Variants in MRPL30 observed in about 807,000 individuals in gnomAD.
The protein encoded by MRPL30 is mitochondrial ribosomal protein L30.
A neutral mutation model predicts 17.2 loss-of-function variants in MRPL30; 10 were observed. That is an observed-to-expected ratio of 0.58 (90% confidence interval 0.36 to 0.99). The LOEUF (loss-of-function observed/expected upper bound fraction) is 0.99. Among genes scored for constraint, MRPL30 ranks in the 50% least tolerant of loss-of-function variants. The pLI is 0.01. For missense variants in MRPL30, 170 were observed against 189.8 expected (o/e 0.90, Z 0.61); for synonymous variants, 61 against 62.1 (o/e 0.98, Z 0.08).
Position 99,194,892 on chromosome 2 carries a change from G to A in MRPL30, c.274G>A (p.Glu92Lys). 1 of 1,562,196 alleles carries A rather than the reference G, an allele frequency of 6.4e-7. No individual in the cohort carries two copies. The highest frequency in any genetic ancestry group is 8.6e-7 in the Non-Finnish European group (1 of 1,158,132). ...AGATATAATAAAGATGCTTGGATTA[G>A]AAAAAGTATGCAATTATTTTAATCA... ...EKDIIKMLGL[E>K]KAHTPQVHKN... is the part of the protein sequence containing the mutation. The change falls in exon 4 of 6, where the codon GAA (glutamate) becomes AAA (lysine). Residue 92 changes from glutamate (E) to lysine (K), a missense_variant. Glu to Lys is a moderately conservative substitution (Grantham distance 56, BLOSUM62 1). Transcript: ENST00000338148.
In MRPL30 at chr2:99,181,623, A is replaced by G. The variant is rs543075099; in HGVS notation, c.-28+374A>G. Among the ~76,000 whole-genome samples the G allele has an allele frequency of 5.3e-5, 8 of 151,514 alleles. No individual in the cohort carries two copies. In the South Asian group the frequency reaches 1.7e-3, roughly 32 times the overall value. ...GGTTGCTTTTTTTTTTTTTTAATGA[A>G]GACAGAAAATTGCCTTTATCTTTGT... On this transcript the variant is annotated intron_variant, in intron 1 of 5. Transcript: ENST00000338148.
rs539306883 is a variant in MRPL30, at chr2:99,195,246, G to T, written c.353+57G>T. ...TGTATTGCCTAGTGTAATTCTAAAT[G>T]CATTTTTCTTTTTTCGTTAATGTTC... On this transcript the variant is annotated intron_variant, in intron 5 of 5. Coordinates refer to ENST00000338148, the MANE Select transcript of MRPL30 (RefSeq NM_145212.4). 216 of 1,455,050 alleles carry T rather than the reference G, an allele frequency of 1.5e-4. 2 individuals carry two copies. In the South Asian group the frequency reaches 2.6e-3, roughly 18 times the overall value. 90.1% of individuals were successfully genotyped at this position (1,455,050 alleles called of 1,614,324 possible). A position where few individuals can be genotyped will look rare whatever the true frequency, so the allele number is the denominator to read the frequency against.
At chr2:99,195,518 A>G in intron 5 of MRPL30, 55 bp from the exon 6 acceptor site, 1 of 1,547,766 alleles carries the variant, frequency 6.5e-7, no homozygotes, top group Non-Finnish European at 8.7e-7. Flanking sequence ...TCCTGCGGGG[A>G]TATAGAACGC....
chr2:99,186,723 A>T (rs992605629), intron 2 of MRPL30, among the ~76,000 whole-genome samples: 5 of 152,246 alleles, frequency 3.3e-5, no homozygotes, highest in Admixed American at 3.3e-4. Flanking sequence ...TCTGGAAAAC[A>T]TGCCAATAAA....
intron 1 of MRPL30, among the ~76,000 whole-genome samples, chr2:99,182,352 G>A (rs2093925547): frequency 1.3e-5 from 2 of 152,004 alleles, no homozygotes; most frequent in Non-Finnish European, 2.9e-5. Flanking sequence ...TCAGGAGATC[G>A]AGACCATCCT....
In MRPL30 at chr2:99,196,840, A is replaced by AT. The variant is rs1261685748; in HGVS notation, c.*1139dup. The AT allele has an allele frequency of 6.6e-6, 1 of 152,214 alleles. No homozygotes were observed. The highest frequency in any genetic ancestry group is 1.9e-4 in the East Asian group (1 of 5,198). 9.4% of individuals were successfully genotyped at this position (152,214 alleles called of 1,614,324 possible). A position where few individuals can be genotyped will look rare whatever the true frequency, so the allele number is the denominator to read the frequency against. On this transcript the variant is annotated 3_prime_UTR_variant, in exon 6 of 6. Transcript: ENST00000338148. Reference sequence around the variant, plus strand: ...TAAGTACATATGTGGATATGGGTTCATTTTATCCCTAAACTTAGTACCAAA... The same window carrying AT: ...TAAGTACATATGTGGATATGGGTTCATTTTTATCCCTAAACTTAGTACCAAA...
intron 1 of MRPL30, among the ~76,000 whole-genome samples, chr2:99,182,737 A>G (rs1361111519): frequency 6.6e-6 from 1 of 152,196 alleles, no homozygotes; most frequent in Non-Finnish European, 1.5e-5. Context: ...GTCTGTAAAT[A>G]TTTAAACTTC....
intron 1 of MRPL30, among the ~76,000 whole-genome samples, chr2:99,183,242 T>C (rs1278224390): frequency 6.6e-6 from 1 of 152,110 alleles, no homozygotes; most frequent in Non-Finnish European, 1.5e-5. Flanking sequence ...GGAAGGTTGG[T>C]AGTGCTGTAC....
At chr2:99,194,954 T>C in intron 4 of MRPL30, 57 bp downstream of exon 4, 2 of 1,447,500 alleles carry the variant, frequency 1.4e-6, no homozygotes, top group Non-Finnish European at 1.9e-6. Context: ...AATTTTATAC[T>C]TTTAAAACTT....
At chr2:99,194,935 A>G (rs1159198294) in intron 4 of MRPL30, 38 bp downstream of exon 4, 1 of 1,500,924 alleles carries the variant, frequency 6.7e-7, no homozygotes, top group African/African-American at 1.4e-5. Context: ...TGTTGTTTAC[A>G]TTGCTTTAAA....
intron 1 of MRPL30, among the ~76,000 whole-genome samples, chr2:99,182,310 C>T: frequency 6.6e-6 from 1 of 152,184 alleles, no homozygotes; most frequent in Admixed American, 6.5e-5. Flanking sequence ...AATCTCAGCA[C>T]TTTCGGAGGC....
rs780511424 is a variant in MRPL30, at chr2:99,198,761, G to T, written c.*3056G>T. Among the ~76,000 whole-genome samples the T allele has an allele frequency of 7.9e-5, 12 of 152,144 alleles. No individual in the cohort carries two copies. Among genetic ancestry groups the T allele is most frequent in the Admixed American group, 7.2e-4 (11 of 15,262 alleles). On this transcript the variant is annotated 3_prime_UTR_variant, in exon 6 of 6. Transcript: ENST00000338148. ...GGGTTTGTTCCTCGGTCTTGACTTT[G>T]TGTCTTTGAGGATTGCTTTGTTTAG... is the stretch of plus-strand genomic sequence containing the variant.
Position 99,195,905 on chromosome 2 carries a change from A to G in MRPL30, c.*200A>G, listed in dbSNP as rs1410537843. ...GAGACCAGCCTGACCAACATGGAGA[A>G]ACCCCCATCTCTACTGAAAATACAG... On this transcript the variant is annotated 3_prime_UTR_variant, in exon 6 of 6. Transcript: ENST00000338148. The G allele has an allele frequency of 7.8e-6, 4 of 510,858 alleles. No individual in the cohort carries two copies. Among genetic ancestry groups the G allele is most frequent in the Non-Finnish European group, 1.3e-5 (4 of 307,834 alleles). The allele number at this position is 510,858 out of a possible 1,614,324, so 31.6% of individuals were successfully genotyped here.
At chr2:99,195,521 T>A in intron 5 of MRPL30, 52 bp from the exon 6 acceptor site, 1 of 1,553,426 alleles carries the variant, frequency 6.4e-7, no homozygotes, top group African/African-American at 1.4e-5. Context: ...TGCGGGGATA[T>A]AGAACGCTAG....
At chr2:99,194,069 A>G (rs965874505) in intron 3 of MRPL30, among the ~76,000 whole-genome samples, 3 of 151,430 alleles carry the variant, frequency 2.0e-5, no homozygotes, top group Middle Eastern at 3.4e-3. Flanking sequence ...GTGTATTTGT[A>G]TCATTTTACT....
At chr2:99,191,009 CTTT>C (rs751744932) in intron 3 of MRPL30, among the ~76,000 whole-genome samples, 2 of 143,890 alleles carry the variant, frequency 1.4e-5, no homozygotes, top group Non-Finnish European at 1.5e-5. Context: ...CCCTGACTAT[CTTT>C]TTTTTTTTTT....
At position 99,195,955 on chromosome 2, in the gene MRPL30, G is replaced by T; in HGVS notation, c.*250G>T. Reference sequence around the variant, plus strand: ...GAATTAGCCAGGCATGGTGGCACATGCCTGTAACCCAGCTACTCGGGAGGC... The same window carrying T: ...GAATTAGCCAGGCATGGTGGCACATTCCTGTAACCCAGCTACTCGGGAGGC... On this transcript the variant is annotated 3_prime_UTR_variant, in exon 6 of 6. Transcript: ENST00000338148. 2.8e-6 allele frequency: 1 copy of T among 355,548 alleles called. No homozygotes were observed. The highest frequency in any genetic ancestry group is 2.6e-5 in the South Asian group (1 of 38,954). The allele number at this position is 355,548 out of a possible 1,614,324, so 22.0% of individuals were successfully genotyped here. A position where few individuals can be genotyped will look rare whatever the true frequency, so the allele number is the denominator to read the frequency against.
chr2:99,186,080 A>G (rs1293973420), intron 1 of MRPL30, 97 bp from the exon 2 acceptor site: 4 of 730,484 alleles, frequency 5.5e-6, no homozygotes, highest in East Asian at 2.7e-5. Context: ...TAAGTTTACA[A>G]TTAATTTGCT....
intron 2 of MRPL30, 41 bp downstream of exon 2, chr2:99,186,295 A>G: frequency 6.3e-7 from 1 of 1,576,780 alleles, no homozygotes; most frequent in Non-Finnish European, 8.7e-7. Context: ...TCTACCCCTT[A>G]TGAATTTTTT....
Sources: gnomAD v4.1 joint callset for allele counts (sites outside exome capture counted in the v4.1 genomes callset) on GRCh38, gnomAD v4.1.1 for gene constraint, MANE v1.5 for transcripts, NCBI Gene and HGNC (gene_info 2026-07-23, HGNC 2026-07-21) for gene names.